Variants in NR3C1 observed in about 807,000 individuals in gnomAD.
NR3C1 encodes nuclear receptor subfamily 3 group C member 1, also known as glucocorticoid receptor.
In NR3C1, 14 loss-of-function variants were observed where a neutral mutation model predicts 74.0. That is an observed-to-expected ratio of 0.19 (90% confidence interval 0.12 to 0.30). The LOEUF (loss-of-function observed/expected upper bound fraction) is 0.30. Ranked by LOEUF, NR3C1 falls within the 10% of genes least tolerant of loss-of-function variation. The probability of loss-of-function intolerance (pLI) is 1.00; values close to 1 mark genes in which losing one functional copy is unlikely to be tolerated. For missense variants in NR3C1, 695 were observed against 909.8 expected (o/e 0.76, Z 3.04); for synonymous variants, 308 against 332.5 (o/e 0.93, Z 0.80).
intron 2 of NR3C1, among the ~76,000 whole-genome samples, chr5:143,394,414 A>T (rs949113515): frequency 3.3e-5 from 5 of 152,138 alleles, no homozygotes; most frequent in Admixed American, 2.6e-4. Context: ...ATTCCAGCAG[A>T]AAAATACATA....
chr5:143,401,782 AAC>A, intron 1 of NR3C1, among the ~76,000 whole-genome samples: 1 of 152,372 alleles, frequency 6.6e-6, no homozygotes, highest in African/African-American at 2.4e-5. Context: ...AAAATGGAAA[AAC>A]ACAGAACCGT....
chr5:143,403,080 G>C, intron 1 of NR3C1, 131 bp downstream of exon 1: 2 of 764,902 alleles, frequency 2.6e-6, no homozygotes, highest in Non-Finnish European at 3.2e-6. Context: ...GCCCTTGCCA[G>C]CCCCCCACCC....
At chr5:143,431,212 C>A (rs1040473964) in intron 1 of NR3C1, among the ~76,000 whole-genome samples, 21 of 152,010 alleles carry the variant, frequency 1.4e-4, no homozygotes, top group African/African-American at 4.4e-4. Flanking sequence ...TGGGCCACAC[C>A]CTTCCCCAGT....
In NR3C1 at chr5:143,419,430, G is replaced by A. The variant is rs143251372; in HGVS notation, c.-14+15102C>T. Among the ~76,000 whole-genome samples the A allele has an allele frequency of 1.5e-3, 225 of 152,126 alleles. 2 individuals are homozygous for A. Among genetic ancestry groups the A allele is most frequent in the African/African-American group, 5.0e-3 (208 of 41,478 alleles). On this transcript the variant is annotated intron_variant, in intron 1 of 8. Transcript: ENST00000343796. ...TCCATGCAATACTTTGGGGAGTATC[G>A]GGGAACCTGCCCCGATAGTCACATA...
rs10482670 is a variant in NR3C1 at position 143,313,325 on chromosome 5, G to A, written c.1351+677C>T. On this transcript the variant is annotated intron_variant, in intron 3 of 8. Coordinates refer to ENST00000394464, the MANE Select transcript of NR3C1 (RefSeq NM_000176.3). ...GCAGTCTGAATCCATAACAAAGTAA[G>A]ATTTGTGTTAATACAACATTTATAT... Among the ~76,000 whole-genome samples, 90 of 152,254 alleles carry A rather than the reference G, an allele frequency of 5.9e-4. No individual in the cohort carries two copies. The South Asian group carries it at 0.017, about 28-fold the overall frequency.
Position 143,310,146 on chromosome 5 carries a change from G to A in NR3C1, c.1419C>T (p.Cys473=). Residue 473 remains cysteine (C), a synonymous_variant, in exon 4 of 9, where the codon TGC becomes TGT. Transcript: ENST00000394464. ...CIIDKIRRKN[C]PACRYRKCLQ... ...GACATTTTCGATAGCGGCATGCTGG[G>A]CAGTTTTTTCTTCGAATTTTATCGA... 3.1e-6 allele frequency: 5 copies of A among 1,613,980 alleles called. No individual in the cohort carries two copies. The highest frequency in any genetic ancestry group is 4.2e-6 in the Non-Finnish European group (5 of 1,179,926).
chr5:143,304,850 G>A (rs1393170434), intron 4 of NR3C1, among the ~76,000 whole-genome samples: 1 of 152,060 alleles, frequency 6.6e-6, no homozygotes, highest in Middle Eastern at 3.2e-3. Context: ...CTATCCATGT[G>A]CAGAAGAATG....
chr5:143,428,503 A>C (rs1737028361), intron 1 of NR3C1, among the ~76,000 whole-genome samples: 1 of 152,192 alleles, frequency 6.6e-6, no homozygotes, highest in Non-Finnish European at 1.5e-5. Flanking sequence ...CTGCCTTTCC[A>C]ACCACGTTCT....
intron 1 of NR3C1, chr5:143,402,960 C>T: frequency 1.4e-6 from 1 of 730,640 alleles, no homozygotes; most frequent in Non-Finnish European, 1.7e-6. Context: ...GCTCCGCTCG[C>T]CGTCCGAGGT....
At chr5:143,427,879 C>T (rs974452828) in intron 1 of NR3C1, among the ~76,000 whole-genome samples, 24 of 152,144 alleles carry the variant, frequency 1.6e-4, no homozygotes, top group African/African-American at 4.3e-4. Context: ...CAATTCCTAC[C>T]GATAGACTTG....
At chr5:143,372,017 T>C (rs956047884) in intron 2 of NR3C1, among the ~76,000 whole-genome samples, 3 of 152,186 alleles carry the variant, frequency 2.0e-5, no homozygotes, top group East Asian at 1.9e-4. Context: ...CCAAACACTA[T>C]ATATACTTAC....
At chr5:143,296,632 T>C (rs966387412) in intron 6 of NR3C1, among the ~76,000 whole-genome samples, 17 of 152,304 alleles carry the variant, frequency 1.1e-4, no homozygotes, top group South Asian at 6.2e-4. Flanking sequence ...CAACAATTTT[T>C]TTTTCCCCCA....
intron 2 of NR3C1, among the ~76,000 whole-genome samples, chr5:143,383,463 T>C (rs1354324952): frequency 2.6e-5 from 4 of 151,434 alleles, no homozygotes; most frequent in Non-Finnish European, 5.9e-5. Context: ...ATTAGAAATA[T>C]ATAAACAGTA....
intron 2 of NR3C1, among the ~76,000 whole-genome samples, chr5:143,353,597 G>T (rs573837063): frequency 6.6e-6 from 1 of 152,214 alleles, no homozygotes; most frequent in East Asian, 1.9e-4. Flanking sequence ...GGTGAGCCCA[G>T]GTGCACTGTC....
At chr5:143,327,797 C>A (rs2151683090) in intron 2 of NR3C1, among the ~76,000 whole-genome samples, 1 of 152,380 alleles carries the variant, frequency 6.6e-6, no homozygotes, top group African/African-American at 2.4e-5. Context: ...CTTTCATACC[C>A]TTGGGCAGCT....
In NR3C1 at chr5:143,319,180, T is replaced by C. The variant is rs117637763; in HGVS notation, c.1185-5012A>G. Among the ~76,000 whole-genome samples, 156 of 152,268 alleles carry C rather than the reference T, an allele frequency of 1.0e-3. 3 individuals carry two copies. The East Asian group carries it at 0.022, about 22-fold the overall frequency. ...TAACCTAATTCTACAATGTAATAGCTTGGTGACCTTTTAATCTTTCTCAAT... is the reference window on the plus strand; with the variant it reads ...TAACCTAATTCTACAATGTAATAGCCTGGTGACCTTTTAATCTTTCTCAAT... On this transcript the variant is annotated intron_variant, in intron 2 of 8. Transcript: ENST00000394464.
intron 7 of NR3C1, among the ~76,000 whole-genome samples, chr5:143,289,366 G>A (rs573416067): frequency 1.3e-5 from 2 of 152,290 alleles, no homozygotes; most frequent in African/African-American, 4.8e-5. Context: ...AGAGAGTCAA[G>A]TTCTGGAGCA....
At chr5:143,420,798 C>A (rs1751190653) in intron 1 of NR3C1, among the ~76,000 whole-genome samples, 2 of 152,114 alleles carry the variant, frequency 1.3e-5, no homozygotes, top group South Asian at 4.1e-4. Flanking sequence ...TTCTTTTCAA[C>A]AATCATTGGG....
Position 143,400,566 on chromosome 5 carries a change from C to G in NR3C1, c.274G>C (p.Glu92Gln). The change falls in exon 2 of 9, where the codon GAG becomes CAG. Residue 92 changes from glutamate (E) to glutamine (Q), a missense_variant. Around this residue, in one of 4 missense-constraint regions of NR3C1, gnomAD observed 497 missense variants for 489.5 expected, o/e 1.02. Transcript: ENST00000394464. ...TTTCCCATCACTTTTGTTTCTGTCT[C>G]TCCCATATACAGTCCCATTGAGAGT... ...VSLSMGLYMG[E>Q]TETKVMGNDL... 4 of 1,614,246 alleles carry G rather than the reference C, an allele frequency of 2.5e-6. No individual in the cohort carries two copies. The South Asian group carries it at 4.4e-5, about 18-fold the overall frequency.
Sources: gnomAD v4.1 joint callset for allele counts (sites outside exome capture counted in the v4.1 genomes callset) on GRCh38, gnomAD v4.1.1 for gene constraint, gnomAD v4.1.1 regional missense constraint, MANE v1.5 for transcripts, NCBI Gene and HGNC (gene_info 2026-07-23, HGNC 2026-07-21) for gene names.